MDH2: variants seen among roughly 807,000 people sequenced by gnomAD.
The protein encoded by MDH2 is malate dehydrogenase, mitochondrial.
In MDH2, 25 loss-of-function variants were observed where a neutral mutation model predicts 33.6. That is an observed-to-expected ratio of 0.74 (90% CI 0.54 to 1.04). The LOEUF (loss-of-function observed/expected upper bound fraction) is 1.04, where lower values mean the gene tolerates loss of function less well. Among genes scored for constraint, MDH2 ranks in the 50% least tolerant of loss-of-function variants. MDH2 has a pLI of 0.00. For synonymous variants in MDH2, 193 were observed against 188.7 expected (o/e 1.02, Z -0.19); for missense variants, 432 against 445.0 (o/e 0.97, Z 0.26).
chr7:76,064,061 T>G (rs1798025904), intron 6 of MDH2, among the ~76,000 whole-genome samples: 1 of 151,318 alleles, frequency 6.6e-6, no homozygotes, highest in African/African-American at 2.4e-5. Flanking sequence ...CTCACCACAC[T>G]TCCCAACAGA....
At position 76,066,679 on chromosome 7, in the gene MDH2, A is replaced by G. The variant is rs1554587965; in HGVS notation, c.*269A>G. 3.4e-6 allele frequency: 1 copy of G among 296,610 alleles called. No homozygotes were observed. Among genetic ancestry groups the G allele is most frequent in the African/African-American group, 2.2e-5 (1 of 46,028 alleles). The allele number at this position is 296,610 out of a possible 1,614,324, so 18.4% of individuals were successfully genotyped here. On this transcript the variant is annotated 3_prime_UTR_variant, in exon 9 of 9. Transcript: ENST00000315758. ...CTGCTACCTCTTCATTACCAATCAG[A>G]ATTAGATGATGTTTAACTGTTAGAC...
At chr7:76,054,797 TC>T in intron 1 of MDH2, 32 bp from the exon 2 acceptor site, 1 of 1,613,694 alleles carries the variant, frequency 6.2e-7, no homozygotes, top group Non-Finnish European at 8.5e-7. Flanking sequence ...GCTCATTTCC[TC>T]CTAAGAGTCC....
intron 4 of MDH2, among the ~76,000 whole-genome samples, chr7:76,058,839 C>T (rs1797863033): frequency 1.3e-5 from 2 of 152,198 alleles, no homozygotes; most frequent in African/African-American, 4.8e-5. Flanking sequence ...CAAAATGGCT[C>T]CTAAGTGACT....
chr7:76,062,027 T>G (rs1554587101), intron 5 of MDH2, among the ~76,000 whole-genome samples: 1 of 152,156 alleles, frequency 6.6e-6, no homozygotes, highest in African/African-American at 2.4e-5. Context: ...ACTGTTAGAG[T>G]TGGGGACAGG....
intron 6 of MDH2, 115 bp from the exon 7 acceptor site, chr7:76,064,224 C>T: frequency 1.5e-6 from 1 of 680,804 alleles, no homozygotes. Context: ...GAAAACCTTT[C>T]CCATGCCCTG....
At chr7:76,048,664 T>C (rs1797426392) in intron 1 of MDH2, 1 of 1,250,706 alleles carries the variant, frequency 8.0e-7, no homozygotes, top group Non-Finnish European at 1.0e-6. Flanking sequence ...CCTAATTCCA[T>C]AGTATGGACA....
At chr7:76,048,592 C>G (rs1162136031) in intron 1 of MDH2, 2 of 1,301,710 alleles carry the variant, frequency 1.5e-6, no homozygotes, top group Admixed American at 7.7e-5. Context: ...ATTGCTTTGA[C>G]GTAGCTAATC....
chr7:76,067,109 C>T lies in MDH2; in HGVS notation c.*699C>T, dbSNP rs1206513910. 6.6e-6 allele frequency: 1 copy of T among 152,282 alleles called. No individual in the cohort carries two copies. Among genetic ancestry groups the T allele is most frequent in the Non-Finnish European group, 1.5e-5 (1 of 68,110 alleles). 9.4% of individuals were successfully genotyped at this position (152,282 alleles called of 1,614,324 possible). A position where few individuals can be genotyped will look rare whatever the true frequency, so the allele number is the denominator to read the frequency against. On this transcript the variant is annotated 3_prime_UTR_variant, in exon 9 of 9. Coordinates refer to ENST00000315758, the MANE Select transcript of MDH2 (RefSeq NM_005918.4). ...GTCAAGGCCTAGGACGCCATGCTGC[C>T]ATCAAAAGGGGGTTCCAGGTTTCCA...
chr7:76,054,604 C>T (rs986432830), intron 1 of MDH2: 12 of 550,104 alleles, frequency 2.2e-5, no homozygotes, highest in Non-Finnish European at 3.8e-5. Flanking sequence ...TTTGAAGTAC[C>T]CTGAGTATCA....
intron 5 of MDH2, among the ~76,000 whole-genome samples, chr7:76,061,909 T>C (rs1797964553): frequency 6.6e-6 from 1 of 152,212 alleles, no homozygotes; most frequent in Non-Finnish European, 1.5e-5. Context: ...ATTAAAACTA[T>C]ATCCCTCTGC....
intron 5 of MDH2, 96 bp from the exon 6 acceptor site, chr7:76,063,418 TG>T (rs1205257363): frequency 5.0e-6 from 6 of 1,200,850 alleles, no homozygotes; most frequent in Non-Finnish European, 7.4e-6. Context: ...CCCTGAGTTC[TG>T]GGGGGCTTTT....
chr7:76,059,205 G>C (rs1443766805), intron 4 of MDH2, among the ~76,000 whole-genome samples: 2 of 152,198 alleles, frequency 1.3e-5, no homozygotes, highest in Non-Finnish European at 2.9e-5. Context: ...CACTCTCCCA[G>C]AGTGCTGGGA....
rs1405019742 is a variant in MDH2 at position 76,067,366 on chromosome 7, C to CT, written c.*961dup. 1.3e-5 allele frequency: 2 copies of CT among 152,138 alleles called. No individual in the cohort carries two copies. Among genetic ancestry groups the CT allele is most frequent in the Non-Finnish European group, 2.9e-5 (2 of 68,030 alleles). 9.4% of individuals were successfully genotyped at this position (152,138 alleles called of 1,614,324 possible). ...TTGGATGTTCATCTGTCCACAACAG[C>CT]TTTTTGTTTTTTTAAAAAAGCTAAA... On this transcript the variant is annotated 3_prime_UTR_variant, in exon 9 of 9. Coordinates refer to ENST00000315758, the MANE Select transcript of MDH2 (RefSeq NM_005918.4).
chr7:76,057,012 CAAAA>C (rs55681261), intron 2 of MDH2, among the ~76,000 whole-genome samples: 4 of 143,606 alleles, frequency 2.8e-5, no homozygotes, highest in Non-Finnish European at 6.1e-5. Flanking sequence ...GACTCCCTCT[CAAAA>C]AAAAAAAAAA....
intron 1 of MDH2, 178 bp downstream of exon 1, chr7:76,048,404 G>T: frequency 8.6e-7 from 1 of 1,162,592 alleles, no homozygotes; most frequent in Non-Finnish European, 1.2e-6. Flanking sequence ...AGGTGCGGGG[G>T]AGAAAGCCGG....
chr7:76,064,706 G>C, intron 7 of MDH2, 96 bp from the exon 8 acceptor site: 1 of 1,368,202 alleles, frequency 7.3e-7, no homozygotes, highest in Non-Finnish European at 9.9e-7. Context: ...CCACTGTCAG[G>C]CTGGAAGGTG....
chr7:76,050,967 C>G lies in MDH2; in HGVS notation c.66+2741C>G, dbSNP rs192711382. Among the ~76,000 whole-genome samples the G allele has an allele frequency of 3.5e-3, 533 of 152,164 alleles. 3 individuals carry two copies. Among genetic ancestry groups the G allele is most frequent in the Admixed American group, 6.4e-3 (97 of 15,274 alleles). ...CGTGATCTCGGCTCACTGCAGCCTCCGCCTCCTGGGTTCAAGTGGTTCTCT... is the reference window on the plus strand; with the variant it reads ...CGTGATCTCGGCTCACTGCAGCCTCGGCCTCCTGGGTTCAAGTGGTTCTCT... On this transcript the variant is annotated intron_variant, in intron 1 of 8. Coordinates refer to ENST00000315758, the MANE Select transcript of MDH2 (RefSeq NM_005918.4).
intron 1 of MDH2, chr7:76,054,627 A>T: frequency 1.6e-6 from 1 of 634,226 alleles, no homozygotes. Context: ...GACTCTACAG[A>T]CATAAATTCT....
Position 76,061,736 on chromosome 7 carries a change from A to G in MDH2, c.555+1238A>G, listed in dbSNP as rs1025702582. Reference sequence around the variant, plus strand: ...GCCGCAGTACGGAAGTGGACACAACAGGCAGGATCCCACCTCCCACCTCCA... The same window carrying G: ...GCCGCAGTACGGAAGTGGACACAACGGGCAGGATCCCACCTCCCACCTCCA... On this transcript the variant is annotated intron_variant, in intron 5 of 8. Transcript: ENST00000315758. Among the ~76,000 whole-genome samples, 3 of 151,754 alleles carry G rather than the reference A, an allele frequency of 2.0e-5. No individual in the cohort carries two copies. The East Asian group carries it at 5.8e-4, about 29-fold the overall frequency.
Sources: allele counts gnomAD v4.1 joint callset (sites outside exome capture counted in the v4.1 genomes callset), GRCh38; gene constraint gnomAD v4.1.1; transcripts MANE v1.5; gene names NCBI Gene and HGNC (gene_info 2026-07-23, HGNC 2026-07-21).